CPEB3: variants seen among roughly 807,000 people sequenced by gnomAD.
The protein encoded by CPEB3 is cytoplasmic polyadenylation element-binding protein 3.
CPEB3 carries 20 observed loss-of-function variants against 67.2 expected under a neutral mutation model. That is an observed-to-expected ratio of 0.30 (90% confidence interval 0.21 to 0.43). The LOEUF is 0.43. Among genes scored for constraint, CPEB3 ranks in the 20% least tolerant of loss-of-function variants. The pLI, the probability that CPEB3 is intolerant of heterozygous loss-of-function variation, is 1.00. For synonymous variants in CPEB3, 376 were observed against 393.1 expected (o/e 0.96, Z 0.51); for missense variants, 746 against 968.6 (o/e 0.77, Z 3.05).
chr10:92,056,734 T>C (rs1842126823), intron 9 of CPEB3, among the ~76,000 whole-genome samples: 1 of 152,172 alleles, frequency 6.6e-6, no homozygotes, highest in Non-Finnish European at 1.5e-5. Context: ...GCACGTGGAC[T>C]ACTGAGACAT....
chr10:92,262,039 T>A (rs988360987), intron 1 of CPEB3, among the ~76,000 whole-genome samples: 28 of 152,188 alleles, frequency 1.8e-4, no homozygotes, highest in Non-Finnish European at 8.8e-5. Context: ...ACTGAAGCAA[T>A]ATCTATAGGT....
At chr10:92,052,812 G>A (rs147198578) in intron 9 of CPEB3, among the ~76,000 whole-genome samples, 236 of 152,314 alleles carry the variant, frequency 1.5e-3, no homozygotes, top group African/African-American at 4.8e-3. Flanking sequence ...ACGTCAAAGC[G>A]CATGAGCTGA....
intron 9 of CPEB3, 58 bp downstream of exon 9, chr10:92,081,262 A>G (rs1397772597): frequency 6.3e-7 from 1 of 1,591,740 alleles, no homozygotes; most frequent in Non-Finnish European, 8.6e-7. Context: ...TTCCCAGGAA[A>G]CTACAGAACA....
intron 6 of CPEB3, among the ~76,000 whole-genome samples, chr10:92,118,421 C>G (rs150692501): frequency 6.6e-6 from 1 of 152,156 alleles, no homozygotes; most frequent in Admixed American, 6.5e-5. Context: ...TGTGAGCCAC[C>G]GTGCCCGGCC....
intron 6 of CPEB3, among the ~76,000 whole-genome samples, chr10:92,142,217 C>T (rs969618435): frequency 1.3e-5 from 2 of 152,084 alleles, no homozygotes; most frequent in Non-Finnish European, 2.9e-5. Context: ...TTATGAGGCA[C>T]AGGAAGGACA....
intron 2 of CPEB3, among the ~76,000 whole-genome samples, chr10:92,202,899 C>A (rs1849583145): frequency 6.6e-6 from 1 of 150,674 alleles, no homozygotes; most frequent in African/African-American, 2.4e-5. Flanking sequence ...CTCAATAAAT[C>A]TATTATTTTT....
chr10:92,288,181 C>T (rs1380963515), intron 1 of CPEB3, among the ~76,000 whole-genome samples: 1 of 152,074 alleles, frequency 6.6e-6, no homozygotes, highest in East Asian at 1.9e-4. Flanking sequence ...TGCTGTAGGC[C>T]AGGTGCTGTG....
chr10:92,289,732 A>AAAAAAAAAAAAAAAAATATATATATAT, intron 1 of CPEB3, among the ~76,000 whole-genome samples: 2 of 75,772 alleles, frequency 2.6e-5, no homozygotes, highest in Non-Finnish European at 5.1e-5. Flanking sequence ...AAAAAAAAAA[A>AAAAAAAAAAAAAAAAATATATATATAT]ATATATATAT....
chr10:92,174,378 A>T (rs1054633738), intron 4 of CPEB3, among the ~76,000 whole-genome samples: 2 of 152,254 alleles, frequency 1.3e-5, no homozygotes, highest in African/African-American at 4.8e-5. Context: ...AAATAGAAAT[A>T]TAAGCAAAAC....
At chr10:92,189,270 C>T (rs1382775562) in intron 3 of CPEB3, among the ~76,000 whole-genome samples, 1 of 152,080 alleles carries the variant, frequency 6.6e-6, no homozygotes, top group South Asian at 2.1e-4. Context: ...GACGTTTATC[C>T]TTCAATAATC....
intron 6 of CPEB3, among the ~76,000 whole-genome samples, chr10:92,124,605 A>G (rs895722359): frequency 1.0e-4 from 15 of 148,968 alleles, no homozygotes; most frequent in Non-Finnish European, 2.1e-4. Context: ...CCAGGACCTG[A>G]TTTTTTTTTT....
intron 3 of CPEB3, among the ~76,000 whole-genome samples, chr10:92,191,616 C>T (rs940251614): frequency 7.2e-5 from 11 of 152,084 alleles, no homozygotes; most frequent in Middle Eastern, 3.4e-3. Context: ...CTAGAGAGAA[C>T]CGGAGGGGAT....
intron 1 of CPEB3, among the ~76,000 whole-genome samples, chr10:92,250,789 A>T (rs750638656): frequency 6.6e-6 from 1 of 151,864 alleles, no homozygotes; most frequent in East Asian, 1.9e-4. Flanking sequence ...TCCCAGGTTC[A>T]AGCAATTCTC....
intron 9 of CPEB3, among the ~76,000 whole-genome samples, chr10:92,070,514 C>T (rs1354634359): frequency 6.6e-6 from 1 of 152,112 alleles, no homozygotes; most frequent in African/African-American, 2.4e-5. Context: ...CAGTGGCTCA[C>T]ACCTGTAATC....
At chr10:92,231,950 C>T (rs2134570562) in intron 2 of CPEB3, among the ~76,000 whole-genome samples, 1 of 151,866 alleles carries the variant, frequency 6.6e-6, no homozygotes, top group Admixed American at 6.6e-5. Flanking sequence ...GAACTCCTGA[C>T]CTCAGGTGAT....
At chr10:92,275,527 A>C (rs1309511965) in intron 1 of CPEB3, among the ~76,000 whole-genome samples, 1 of 152,226 alleles carries the variant, frequency 6.6e-6, no homozygotes, top group Admixed American at 6.6e-5. Context: ...TTATTATTAA[A>C]TAACAGCTTT....
chr10:92,064,749 G>C (rs972821601), intron 9 of CPEB3, among the ~76,000 whole-genome samples: 3 of 152,092 alleles, frequency 2.0e-5, no homozygotes, highest in Non-Finnish European at 4.4e-5. Context: ...TCTATAATAT[G>C]GCCATAGACA....
intron 1 of CPEB3, among the ~76,000 whole-genome samples, chr10:92,268,282 G>A (rs1029621936): frequency 1.3e-5 from 2 of 151,996 alleles, no homozygotes; most frequent in African/African-American, 4.8e-5. Context: ...ACCTGTTCCT[G>A]ATATTCATTA....
At chr10:92,071,559 A>G (rs1251184089) in intron 9 of CPEB3, among the ~76,000 whole-genome samples, 3 of 151,920 alleles carry the variant, frequency 2.0e-5, no homozygotes, top group African/African-American at 7.3e-5. Flanking sequence ...GTGAAACTCC[A>G]TCTCTACTAA....
Sources: allele counts gnomAD v4.1 joint callset (sites outside exome capture counted in the v4.1 genomes callset), GRCh38; gene constraint gnomAD v4.1.1; transcripts MANE v1.5; gene names NCBI Gene and HGNC (gene_info 2026-07-23, HGNC 2026-07-21).